ENTREP2: variants seen among roughly 807,000 people sequenced by gnomAD.
ENTREP2 encodes the protein protein ENTREP2.
chr15:29,139,446 A>G, the ENTREP2 span, among the ~76,000 whole-genome samples: 2 of 152,258 alleles, frequency 1.3e-5, no homozygotes, highest in African/African-American at 4.8e-5. Context: ...GCGAGGGCAA[A>G]TGCCCTCAGG....
the ENTREP2 span, among the ~76,000 whole-genome samples, chr15:29,163,703 C>T: frequency 3.3e-5 from 5 of 151,876 alleles, no homozygotes; most frequent in East Asian, 1.9e-4. Flanking sequence ...CCAGTTTTCC[C>T]GAGGAAGAAG....
At chr15:29,363,610 G>A in the ENTREP2 span, among the ~76,000 whole-genome samples, 4 of 152,148 alleles carry the variant, frequency 2.6e-5, no homozygotes, top group African/African-American at 9.7e-5. Context: ...ACTAATCCAG[G>A]CTGAAGTTCA....
the ENTREP2 span, among the ~76,000 whole-genome samples, chr15:29,532,154 T>G: frequency 6.6e-6 from 1 of 152,220 alleles, no homozygotes; most frequent in Non-Finnish European, 1.5e-5. Context: ...CCTCAGATTC[T>G]AATTTTTACC....
At chr15:29,140,353 ACCT>A in the ENTREP2 span, among the ~76,000 whole-genome samples, 2 of 151,708 alleles carry the variant, frequency 1.3e-5, no homozygotes, top group Non-Finnish European at 2.9e-5. Context: ...GCCCCTGTCC[ACCT>A]CCTCCTCGCA....
At chr15:29,576,359 A>T in the ENTREP2 span, among the ~76,000 whole-genome samples, 6 of 152,226 alleles carry the variant, frequency 3.9e-5, no homozygotes, top group African/African-American at 7.2e-5. Flanking sequence ...AAAGAGCAAA[A>T]ACTATGGAAG....
chr15:29,232,409 T>A, the ENTREP2 span, among the ~76,000 whole-genome samples: 1,373 of 151,868 alleles, frequency 9.0e-3, 21 homozygotes, highest in African/African-American at 0.031. Flanking sequence ...AGTGCTAATT[T>A]AAAAAAAAGT....
chr15:29,652,553 G>A, the ENTREP2 span, among the ~76,000 whole-genome samples: 2 of 152,234 alleles, frequency 1.3e-5, 1 homozygote, highest in South Asian at 4.1e-4. Context: ...AGGGAGCCCA[G>A]ACCTGGGGGC....
chr15:29,206,707 T>C, the ENTREP2 span, among the ~76,000 whole-genome samples: 1 of 152,134 alleles, frequency 6.6e-6, no homozygotes, highest in Non-Finnish European at 1.5e-5. Context: ...GAAAATGCTC[T>C]AAAATTGACT....
chr15:29,257,267 T>C, the ENTREP2 span, among the ~76,000 whole-genome samples: 1 of 152,142 alleles, frequency 6.6e-6, no homozygotes, highest in African/African-American at 2.4e-5. Flanking sequence ...GAGACGGGGT[T>C]TCTCCATGTT....
the ENTREP2 span, among the ~76,000 whole-genome samples, chr15:29,436,328 C>A: frequency 2.0e-5 from 3 of 152,200 alleles, no homozygotes; most frequent in Non-Finnish European, 2.9e-5. Context: ...TGAGGAAGCG[C>A]CTCTACTCAC....
the ENTREP2 span, among the ~76,000 whole-genome samples, chr15:29,438,073 G>C: frequency 6.6e-6 from 1 of 152,212 alleles, no homozygotes; most frequent in Non-Finnish European, 1.5e-5. Context: ...TTGAACACAA[G>C]AGACCTGGAT....
At chr15:29,543,400 T>C in the ENTREP2 span, among the ~76,000 whole-genome samples, 66,224 of 151,994 alleles carry the variant, frequency 0.44, 15,244 homozygotes, top group African/African-American at 0.6. Flanking sequence ...CCTCCAAAGA[T>C]ACCTAGCAGA....
At chr15:29,351,463 T>TA in the ENTREP2 span, among the ~76,000 whole-genome samples, 70 of 152,268 alleles carry the variant, frequency 4.6e-4, 1 homozygote, top group African/African-American at 1.6e-3. Flanking sequence ...GGAGGAGTGA[T>TA]ATGCTAATTA....
the ENTREP2 span, among the ~76,000 whole-genome samples, chr15:29,251,542 T>A: frequency 6.6e-6 from 1 of 150,712 alleles, no homozygotes; most frequent in Admixed American, 6.6e-5. Context: ...TTGTGACTTA[T>A]TTTTTTTTAG....
chr15:29,383,517 C>T, the ENTREP2 span, among the ~76,000 whole-genome samples: 1 of 152,196 alleles, frequency 6.6e-6, no homozygotes, highest in South Asian at 2.1e-4. Context: ...ACAAATTGCT[C>T]ACGCTTGCCA....
the ENTREP2 span, among the ~76,000 whole-genome samples, chr15:29,180,318 T>G: frequency 6.6e-6 from 1 of 152,202 alleles, no homozygotes; most frequent in Admixed American, 6.5e-5. Context: ...GACTTGTTAT[T>G]AGACACATTG....
the ENTREP2 span, chr15:29,266,582 A>G: frequency 2.0e-5 from 3 of 152,358 alleles, no homozygotes; most frequent in East Asian, 5.8e-4. Context: ...AGGTCTACAT[A>G]TATCCACATG....
At chr15:29,193,175 A>C in the ENTREP2 span, among the ~76,000 whole-genome samples, 1 of 152,114 alleles carries the variant, frequency 6.6e-6, no homozygotes, top group Non-Finnish European at 1.5e-5. Context: ...TTAGGTGTCA[A>C]CTTGACTGGA....
At chr15:29,173,944 C>CAAAAAAA in the ENTREP2 span, among the ~76,000 whole-genome samples, 976 of 78,578 alleles carry the variant, frequency 0.012, 8 homozygotes, top group African/African-American at 0.036. Context: ...TCTGGATAGC[C>CAAAAAAA]AAAAAAAAAA....
Sources: gnomAD v4.1 joint callset for allele counts (sites outside exome capture counted in the v4.1 genomes callset) on GRCh38, gnomAD v4.1.1 for gene constraint, MANE v1.5 for transcripts, NCBI Gene and HGNC (gene_info 2026-07-23, HGNC 2026-07-21) for gene names.